The following ADTRP variants were observed in gnomAD, a reference collection of about 807,000 sequenced individuals.
ADTRP encodes the protein androgen dependent TFPI regulating protein.
Under a neutral mutation model 27.0 loss-of-function variants are expected in ADTRP, and 20 were observed. The ratio of observed to expected loss-of-function variants is 0.74; its 90% CI spans 0.52 to 1.08. The LOEUF (loss-of-function observed/expected upper bound fraction) is 1.08, where lower values mean the gene tolerates loss of function less well. Among genes scored for constraint, ADTRP ranks in the 50% least tolerant of loss-of-function variants. The pLI, the probability that ADTRP is intolerant of heterozygous loss-of-function variation, is 0.00. For missense variants in ADTRP, 251 were observed against 275.0 expected, an observed-to-expected ratio of 0.91 and a Z score of 0.62; for synonymous variants, 101 against 105.2, an observed-to-expected ratio of 0.96 and a Z score of 0.25.
At chr6:11,728,840 C>T (rs1762297165) in intron 4 of ADTRP, among the ~76,000 whole-genome samples, 1 of 152,204 alleles carries the variant, frequency 6.6e-6, no homozygotes, top group African/African-American at 2.4e-5. Flanking sequence ...AAGACCACCA[C>T]AGGCTCTGGA....
At chr6:11,769,916 T>C in intron 1 of ADTRP, 1 of 1,164,454 alleles carries the variant, frequency 8.6e-7, no homozygotes. Flanking sequence ...CTTTTATTCA[T>C]TACTTGGTAT....
At chr6:11,733,181 C>A (rs137982251) in intron 4 of ADTRP, among the ~76,000 whole-genome samples, 1 of 152,226 alleles carries the variant, frequency 6.6e-6, no homozygotes, top group Non-Finnish European at 1.5e-5. Context: ...AACATCAACT[C>A]CCCTGAGTTA....
intron 5 of ADTRP, 106 bp downstream of exon 5, chr6:11,723,243 G>A: frequency 6.3e-6 from 9 of 1,425,598 alleles, no homozygotes; most frequent in Non-Finnish European, 7.7e-6. Flanking sequence ...AAGACAGTAA[G>A]CATCATTGCT....
intron 5 of ADTRP, among the ~76,000 whole-genome samples, chr6:11,716,403 G>T (rs1289608210): frequency 6.6e-6 from 1 of 152,130 alleles, no homozygotes; most frequent in Non-Finnish European, 1.5e-5. Context: ...GACAGCAGGT[G>T]GTTCCCTCCA....
At chr6:11,761,694 G>A (rs1428242830) in intron 3 of ADTRP, among the ~76,000 whole-genome samples, 1 of 152,144 alleles carries the variant, frequency 6.6e-6, no homozygotes, top group Non-Finnish European at 1.5e-5. Flanking sequence ...TTCTTTTCAA[G>A]TGTATGTTCA....
In ADTRP at chr6:11,714,228, CGAA is replaced by C; in HGVS notation, c.*247_*249del. The stretch of plus-strand genomic sequence containing the variant: ...GATTTTAACCAGAGACCATCCTCCA[CGAA>C]GGTCAAAGATAATTAATTCTGAGAT... On this transcript the variant is annotated 3_prime_UTR_variant, in exon 6 of 6. Coordinates refer to ENST00000414691, the MANE Select transcript of ADTRP (RefSeq NM_032744.4). 2 of 472,252 alleles carry C rather than the reference CGAA, an allele frequency of 4.2e-6. No individual in the cohort carries two copies. Among genetic ancestry groups the C allele is most frequent in the Non-Finnish European group, 7.5e-6 (2 of 265,128 alleles). 29.3% of individuals were successfully genotyped at this position (472,252 alleles called of 1,614,324 possible). A position where few individuals can be genotyped will look rare whatever the true frequency, so the allele number is the denominator to read the frequency against.
chr6:11,721,245 G>T (rs983758841), intron 5 of ADTRP, among the ~76,000 whole-genome samples: 9 of 152,164 alleles, frequency 5.9e-5, no homozygotes, highest in Non-Finnish European at 1.0e-4. Context: ...GTGGACGTAA[G>T]AAACAACATC....
In ADTRP at chr6:11,722,551, T is replaced by G. The variant is rs565404171; in HGVS notation, c.658+798A>C. On this transcript the variant is annotated intron_variant, in intron 5 of 5. Coordinates refer to ENST00000414691, the MANE Select transcript of ADTRP (RefSeq NM_032744.4). ...CAGAATCAGGGTAGAGTTCCTGCGC[T>G]TCTCCTGGGGTAGGGAAGCAAGTCA... Among the ~76,000 whole-genome samples, 5 of 152,232 alleles carry G rather than the reference T, an allele frequency of 3.3e-5. No individual in the cohort carries two copies. In the South Asian group the frequency reaches 1.0e-3, roughly 32 times the overall value.
chr6:11,720,959 C>A lies in ADTRP; in HGVS notation c.658+2390G>T, dbSNP rs532547396. On this transcript the variant is annotated intron_variant, in intron 5 of 5. Transcript: ENST00000414691. Reference sequence around the variant, plus strand: ...CTATTGTCTGCACTGATTGAGGCAACGAGAAAGCTAATGGAAATAGTGGAT... The same window carrying A: ...CTATTGTCTGCACTGATTGAGGCAAAGAGAAAGCTAATGGAAATAGTGGAT... 5.7e-4 allele frequency among the ~76,000 whole-genome samples: 87 copies of A among 152,236 alleles called. 1 individual carries two copies. The highest frequency in any genetic ancestry group is 1.9e-3 in the South Asian group (9 of 4,826).
Position 11,741,478 on chromosome 6 carries a change from A to G in ADTRP, c.391-5795T>C, listed in dbSNP as rs73725711. Among the ~76,000 whole-genome samples, 115 of 152,352 alleles carry G rather than the reference A, an allele frequency of 7.5e-4. 1 individual carries two copies. The highest frequency in any genetic ancestry group is 2.7e-3 in the African/African-American group (113 of 41,592). On this transcript the variant is annotated intron_variant, in intron 3 of 5. Transcript: ENST00000414691. ...CCCCACTGGGCCAAGGAAGAAAAGCATAGTGTTGTTTATGAACTCTTATGT... is the reference window on the plus strand; with the variant it reads ...CCCCACTGGGCCAAGGAAGAAAAGCGTAGTGTTGTTTATGAACTCTTATGT...
chr6:11,720,472 A>ACC (rs55911324), intron 5 of ADTRP, among the ~76,000 whole-genome samples: 135 of 143,470 alleles, frequency 9.4e-4, no homozygotes, highest in Non-Finnish European at 1.8e-3. Flanking sequence ...TGAGGGATAT[A>ACC]CCCTTTTCTT....
intron 2 of ADTRP, 141 bp from the exon 3 acceptor site, chr6:11,766,516 C>T: frequency 3.8e-6 from 2 of 521,812 alleles, no homozygotes; most frequent in South Asian, 4.8e-5. Context: ...GAATGTAGTA[C>T]ATATACATTA....
intron 1 of ADTRP, among the ~76,000 whole-genome samples, chr6:11,778,102 TAAAAAATTGAGGTGG>T (rs1235155140): frequency 6.6e-6 from 1 of 152,200 alleles, no homozygotes; most frequent in Non-Finnish European, 1.5e-5. Flanking sequence ...CCTGAACCTA[TAAAAAATTGAGGTGG>T]GAGCTGAACA....
At chr6:11,765,228 T>TG (rs1763525034) in intron 3 of ADTRP, among the ~76,000 whole-genome samples, 2 of 151,622 alleles carry the variant, frequency 1.3e-5, no homozygotes, top group South Asian at 4.2e-4. Context: ...TTTAAGACCA[T>TG]GGAAAGATGG....
At chr6:11,766,236 T>C (rs371673770) in intron 3 of ADTRP, 38 bp downstream of exon 3, 440 of 1,482,592 alleles carry the variant, frequency 3.0e-4, no homozygotes, top group Non-Finnish European at 4.0e-4. Flanking sequence ...ACAGAGGCTA[T>C]TGGTGTTCTG....
At chr6:11,773,010 G>A (rs1470031223) in intron 1 of ADTRP, among the ~76,000 whole-genome samples, 5 of 152,226 alleles carry the variant, frequency 3.3e-5, no homozygotes, top group Non-Finnish European at 7.3e-5. Context: ...CAGTACAGCA[G>A]TAGGGTGGCT....
intron 4 of ADTRP, among the ~76,000 whole-genome samples, chr6:11,732,715 G>C (rs546900257): frequency 6.6e-6 from 1 of 152,204 alleles, no homozygotes; most frequent in African/African-American, 2.4e-5. Flanking sequence ...TCCCCACTGG[G>C]CACTGGGGCT....
chr6:11,725,729 C>G (rs1762168445), intron 4 of ADTRP, among the ~76,000 whole-genome samples: 1 of 152,014 alleles, frequency 6.6e-6, no homozygotes, highest in Admixed American at 6.5e-5. Context: ...GAAACCCCAT[C>G]TCTACTAAAT....
At chr6:11,771,552 CA>C (rs1239592116) in intron 1 of ADTRP, among the ~76,000 whole-genome samples, 1 of 152,198 alleles carries the variant, frequency 6.6e-6, no homozygotes, top group Non-Finnish European at 1.5e-5. Flanking sequence ...GCTTATTCTC[CA>C]AAGACGATGC....
Sources: gnomAD v4.1 joint callset for allele counts (sites outside exome capture counted in the v4.1 genomes callset) on GRCh38, gnomAD v4.1.1 for gene constraint, MANE v1.5 for transcripts, NCBI Gene and HGNC (gene_info 2026-07-23, HGNC 2026-07-21) for gene names.